Variants in HECTD2 observed in about 807,000 individuals in gnomAD.
HECTD2 encodes the protein HECT domain E3 ubiquitin protein ligase 2.
In HECTD2, 35 loss-of-function variants were observed where a neutral mutation model predicts 103.2. The ratio of observed to expected loss-of-function variants is 0.34; its 90% CI spans 0.26 to 0.45. The LOEUF (loss-of-function observed/expected upper bound fraction) is 0.45, where lower values mean the gene tolerates loss of function less well. Among genes scored for constraint, HECTD2 ranks in the 20% least tolerant of loss-of-function variants. The pLI is 1.00. For missense variants in HECTD2, 596 were observed against 937.4 expected (o/e 0.64, Z 4.76); for synonymous variants, 281 against 329.9 (o/e 0.85, Z 1.61).
chr10:91,492,347 A>G lies in HECTD2; in HGVS notation c.1300-5A>G, dbSNP rs781420774. The G allele has an allele frequency of 6.2e-7, 1 of 1,611,416 alleles. No individual in the cohort carries two copies. Among genetic ancestry groups the G allele is most frequent in the Non-Finnish European group, 8.5e-7 (1 of 1,177,790 alleles). On this transcript the variant is annotated splice_region_variant and splice_polypyrimidine_tract_variant and intron_variant, in intron 12 of 20. Coordinates refer to ENST00000298068, the MANE Select transcript of HECTD2 (RefSeq NM_182765.6). ...TCTCCTCTACTGTATAATATCTTCAAATAGCTAACCCGGAAAAGAGCCGAT... is the reference window on the plus strand; with the variant it reads ...TCTCCTCTACTGTATAATATCTTCAGATAGCTAACCCGGAAAAGAGCCGAT...
chr10:91,511,315 A>T (rs997604109), intron 20 of HECTD2, among the ~76,000 whole-genome samples: 3 of 152,166 alleles, frequency 2.0e-5, no homozygotes, highest in African/African-American at 7.2e-5. Context: ...CACCAAAAGG[A>T]TTCAGAAGAT....
chr10:91,476,114 CT>C (rs1845891666), intron 5 of HECTD2, among the ~76,000 whole-genome samples: 1 of 152,118 alleles, frequency 6.6e-6, no homozygotes, highest in Non-Finnish European at 1.5e-5. Flanking sequence ...CGTTGTTATA[CT>C]GATAGGAATG....
At chr10:91,463,407 T>C (rs1589511969) in intron 5 of HECTD2, 1 of 151,908 alleles carries the variant, frequency 6.6e-6, no homozygotes, top group Admixed American at 6.6e-5. Context: ...GTGGCAGAGG[T>C]GAAAGAAAAT....
chr10:91,419,402 A>G (rs1381669948), intron 1 of HECTD2, among the ~76,000 whole-genome samples: 1 of 152,146 alleles, frequency 6.6e-6, no homozygotes, highest in Non-Finnish European at 1.5e-5. Context: ...TGTTAATAGC[A>G]GAACAGGTAC....
At chr10:91,479,534 A>G (rs1303710646) in intron 6 of HECTD2, among the ~76,000 whole-genome samples, 2 of 152,098 alleles carry the variant, frequency 1.3e-5, no homozygotes, top group East Asian at 1.9e-4. Context: ...TCCTTCTTAA[A>G]CCACACTTTT....
At chr10:91,445,511 A>G (rs1053061710) in intron 2 of HECTD2, among the ~76,000 whole-genome samples, 1 of 152,178 alleles carries the variant, frequency 6.6e-6, no homozygotes, top group Admixed American at 6.6e-5. Context: ...CTGGGTTGTG[A>G]AATTTTTAAC....
At chr10:91,435,860 T>G (rs1019407710) in intron 2 of HECTD2, among the ~76,000 whole-genome samples, 2 of 151,968 alleles carry the variant, frequency 1.3e-5, no homozygotes, top group African/African-American at 2.4e-5. Flanking sequence ...CTCCTGTTAT[T>G]CAAAAGCCAG....
intron 2 of HECTD2, among the ~76,000 whole-genome samples, chr10:91,453,407 A>G (rs1456339285): frequency 6.6e-6 from 1 of 152,166 alleles, no homozygotes; most frequent in African/African-American, 2.4e-5. Context: ...CCCCATCCTG[A>G]GTGAAAGAGC....
At chr10:91,420,367 T>G (rs1409712674) in intron 1 of HECTD2, among the ~76,000 whole-genome samples, 1 of 149,722 alleles carries the variant, frequency 6.7e-6, no homozygotes, top group Non-Finnish European at 1.5e-5. Context: ...AGGTAGATCA[T>G]GAGGTCAGGA....
chr10:91,436,201 TA>T (rs1281029598), intron 2 of HECTD2, among the ~76,000 whole-genome samples: 3 of 151,918 alleles, frequency 2.0e-5, no homozygotes, highest in Non-Finnish European at 4.4e-5. Context: ...AGAAGTTTGG[TA>T]GTCTTTGATT....
rs539701934 is a variant in HECTD2 at position 91,443,311 on chromosome 10, G to A, written c.269-17116G>A. Among the ~76,000 whole-genome samples the A allele has an allele frequency of 7.9e-5, 10 of 126,400 alleles. No homozygotes were observed. In the Admixed American group the frequency reaches 7.9e-4, roughly 10 times the overall value. The allele number at this position is 126,400 out of a possible 152,430, so 82.9% of individuals were successfully genotyped here. A position where few individuals can be genotyped will look rare whatever the true frequency, so the allele number is the denominator to read the frequency against. On this transcript the variant is annotated intron_variant, in intron 2 of 20. Transcript: ENST00000298068. ...GTTGATGTTGATGCTATTCCTTTCTGTTTGTTAGTTTTCCTTCTAACAGTT... is the reference window on the plus strand; with the variant it reads ...GTTGATGTTGATGCTATTCCTTTCTATTTGTTAGTTTTCCTTCTAACAGTT...
chr10:91,477,106 G>A (rs957758366), intron 5 of HECTD2, among the ~76,000 whole-genome samples: 22 of 151,852 alleles, frequency 1.4e-4, no homozygotes, highest in African/African-American at 5.1e-4. Context: ...GCGTGAACCC[G>A]GGAAGCGGAG....
At chr10:91,501,071 A>C in intron 19 of HECTD2, 120 bp from the exon 20 acceptor site, 2 of 753,940 alleles carry the variant, frequency 2.7e-6, no homozygotes, top group Non-Finnish European at 4.4e-6. Context: ...TTAATTTTAC[A>C]GAAATTCAGG....
intron 5 of HECTD2, among the ~76,000 whole-genome samples, chr10:91,466,981 G>A (rs1371472247): frequency 2.6e-5 from 4 of 151,960 alleles, no homozygotes; most frequent in Admixed American, 6.6e-5. Flanking sequence ...CTGCCACGGA[G>A]AGACTGGACA....
chr10:91,481,389 C>T (rs1846081352), intron 7 of HECTD2, among the ~76,000 whole-genome samples: 1 of 151,716 alleles, frequency 6.6e-6, no homozygotes, highest in Non-Finnish European at 1.5e-5. Flanking sequence ...AGCTAAATTA[C>T]ATGTGAGATT....
Position 91,410,405 on chromosome 10 carries a change from GCCGCCGCCTGGCGCTC to G in HECTD2, c.-25_-10del, listed in dbSNP as rs1163580812. The G allele has an allele frequency of 3.7e-6, 5 of 1,342,012 alleles. No homozygotes were observed. Among genetic ancestry groups the G allele is most frequent in the East Asian group, 3.2e-5 (1 of 31,356 alleles). 83.1% of individuals were successfully genotyped at this position (1,342,012 alleles called of 1,614,324 possible). A position where few individuals can be genotyped will look rare whatever the true frequency, so the allele number is the denominator to read the frequency against. ...CAGCCCCAGCAACACTGAGGCCGCC[GCCGCCGCCTGGCGCTC>G]CCGCCGCCCGGCCCGACATGAGTGA... On this transcript the variant is annotated 5_prime_UTR_variant, in exon 1 of 21. Coordinates refer to ENST00000298068, the MANE Select transcript of HECTD2 (RefSeq NM_182765.6).
intron 6 of HECTD2, among the ~76,000 whole-genome samples, chr10:91,479,328 T>C (rs1846011785): frequency 6.6e-6 from 1 of 152,184 alleles, no homozygotes; most frequent in South Asian, 2.1e-4. Context: ...TTTTAGTTTC[T>C]ATCTGTAACA....
chr10:91,505,986 A>G, intron 20 of HECTD2, among the ~76,000 whole-genome samples: 1 of 151,386 alleles, frequency 6.6e-6, no homozygotes. Context: ...AAGCCACTCA[A>G]CTACATGGAA....
intron 15 of HECTD2, among the ~76,000 whole-genome samples, chr10:91,497,280 A>T (rs1386029228): frequency 1.4e-5 from 2 of 146,286 alleles, no homozygotes; most frequent in African/African-American, 5.1e-5. Flanking sequence ...CCAGCCAGAA[A>T]ATGTTTCTTT....
Sources: gnomAD v4.1 joint callset for allele counts (sites outside exome capture counted in the v4.1 genomes callset) on GRCh38, gnomAD v4.1.1 for gene constraint, MANE v1.5 for transcripts, NCBI Gene and HGNC (gene_info 2026-07-23, HGNC 2026-07-21) for gene names.